The following ETNK1 variants were observed in gnomAD, a reference collection of about 807,000 sequenced individuals.
ETNK1 encodes putative protein product of Nbla10396.
ETNK1 carries 8 observed loss-of-function variants against 45.1 expected under a neutral mutation model. The observed-to-expected ratio is 0.18, with a 90% confidence interval of 0.10 to 0.32. ETNK1 has a LOEUF of 0.32. Ranked by LOEUF, ETNK1 falls within the 10% of genes least tolerant of loss-of-function variation. The probability of loss-of-function intolerance (pLI) is 1.00; values close to 1 mark genes in which losing one functional copy is unlikely to be tolerated. For synonymous variants in ETNK1, 152 were observed against 151.9 expected, an observed-to-expected ratio of 1.00 and a Z score of -0.01; for missense variants, 302 against 430.6, an observed-to-expected ratio of 0.70 and a Z score of 2.64.
chr12:22,648,853 T>C (rs907512645), intron 2 of ETNK1, among the ~76,000 whole-genome samples: 2 of 152,054 alleles, frequency 1.3e-5, no homozygotes, highest in African/African-American at 2.4e-5. Context: ...TGAATGAGAG[T>C]TGCTGTTGCT....
chr12:22,637,052 C>G (rs1953664715), intron 1 of ETNK1, among the ~76,000 whole-genome samples: 1 of 152,172 alleles, frequency 6.6e-6, no homozygotes, highest in Non-Finnish European at 1.5e-5. Context: ...TCCTGTCTGT[C>G]TCCCTGTCTT....
chr12:22,686,449 G>A lies in ETNK1; in HGVS notation c.*1495G>A, dbSNP rs753350750. ...TATCCTCTGAGAAATCTTCTGAGGA[G>A]TCTAATGTATTCCAAATGACTTAAT... is the stretch of plus-strand genomic sequence containing the variant. On this transcript the variant is annotated 3_prime_UTR_variant, in exon 8 of 8. Transcript: ENST00000266517. 6.6e-5 allele frequency: 10 copies of A among 152,282 alleles called. No individual in the cohort carries two copies. The highest frequency in any genetic ancestry group is 2.9e-5 in the Non-Finnish European group (2 of 67,818). 9.4% of individuals were successfully genotyped at this position (152,282 alleles called of 1,614,324 possible).
rs1353145942 is a variant in ETNK1 at position 22,688,116 on chromosome 12, A to G, written c.*3162A>G. ...AAGGAAATTAAAAATGTAATTTAAT[A>G]ATTTCCTATTTTTAGGGTTGTTAAT... On this transcript the variant is annotated 3_prime_UTR_variant, in exon 8 of 8. Coordinates refer to ENST00000266517, the MANE Select transcript of ETNK1 (RefSeq NM_018638.5). 1.3e-5 allele frequency: 2 copies of G among 151,898 alleles called. No homozygotes were observed. Among genetic ancestry groups the G allele is most frequent in the Non-Finnish European group, 3.0e-5 (2 of 67,766 alleles). 9.4% of individuals were successfully genotyped at this position (151,898 alleles called of 1,614,324 possible). A position where few individuals can be genotyped will look rare whatever the true frequency, so the allele number is the denominator to read the frequency against.
chr12:22,625,675 C>T, intron 1 of ETNK1, 89 bp downstream of exon 1: 2 of 1,494,126 alleles, frequency 1.3e-6, no homozygotes, highest in Non-Finnish European at 1.8e-6. Flanking sequence ...CCACGATGAC[C>T]GAGGAGGACC....
chr12:22,682,302 A>T lies in ETNK1; in HGVS notation c.946-2181A>T, dbSNP rs780089881. On this transcript the variant is annotated intron_variant, in intron 6 of 7. Coordinates refer to ENST00000266517, the MANE Select transcript of ETNK1 (RefSeq NM_018638.5). ...TTAGGGTGAAAACTTGAATTTTATCATTGGCAACAAATATTGTCAGTTATT... is the reference window on the plus strand; with the variant it reads ...TTAGGGTGAAAACTTGAATTTTATCTTTGGCAACAAATATTGTCAGTTATT... 1.4e-4 allele frequency: 67 copies of T among 494,926 alleles called. 1 individual carries two copies. Among genetic ancestry groups the T allele is most frequent in the South Asian group, 1.0e-3 (67 of 66,342 alleles). The allele number at this position is 494,926 out of a possible 1,614,324, so 30.7% of individuals were successfully genotyped here.
At chr12:22,652,791 C>G (rs1048357706) in intron 2 of ETNK1, among the ~76,000 whole-genome samples, 9 of 152,054 alleles carry the variant, frequency 5.9e-5, no homozygotes, top group African/African-American at 2.2e-4. Context: ...CTGCAGGTTT[C>G]TTTTTCAGTC....
Position 22,659,015 on chromosome 12 carries a change from C to A in ETNK1, c.418C>A (p.Leu140Ile). ...TTTATGCGGTTTTGTTTTAAACAGGCTAATAGCTCGTCAGCTTGCTAAAAT... is the reference window on the plus strand; with the variant it reads ...TTTATGCGGTTTTGTTTTAAACAGGATAATAGCTCGTCAGCTTGCTAAAAT... ...KHVCNPAIFR[L>I]IARQLAKIHA... Residue 140 changes from leucine to isoleucine, a missense_variant and splice_region_variant, in exon 3 of 8, where the codon CTA becomes ATA. Physicochemically the swap from Leu to Ile is conservative, Grantham distance 5. This residue lies in a region of ETNK1 where 205 missense variants were observed against 259.9 expected (regional missense o/e 0.79). Transcript: ENST00000266517. 1.2e-6 allele frequency: 2 copies of A among 1,612,760 alleles called. No homozygotes were observed. The highest frequency in any genetic ancestry group is 1.1e-5 in the South Asian group (1 of 90,670).
chr12:22,654,188 A>G (rs917320607), intron 2 of ETNK1, among the ~76,000 whole-genome samples: 20 of 152,232 alleles, frequency 1.3e-4, no homozygotes, highest in African/African-American at 4.8e-4. Flanking sequence ...TAACTATGAG[A>G]AAGAAATTTA....
In ETNK1 at chr12:22,659,001, T is replaced by G. The variant is rs747361577; in HGVS notation, c.417-13T>G. ...CTTAAGTTTTTCTTTTTATGCGGTT[T>G]TGTTTTAAACAGGCTAATAGCTCGT... On this transcript the variant is annotated splice_polypyrimidine_tract_variant and intron_variant, in intron 2 of 7. Transcript: ENST00000266517. 1 of 1,601,934 alleles carries G rather than the reference T, an allele frequency of 6.2e-7. No homozygotes were observed. The highest frequency in any genetic ancestry group is 1.3e-5 in the African/African-American group (1 of 74,320).
chr12:22,625,824 G>C (rs1407600057), intron 1 of ETNK1: 1 of 715,692 alleles, frequency 1.4e-6, no homozygotes, highest in Non-Finnish European at 2.5e-6. Context: ...AAGCCGCTGC[G>C]TAAGTGACGG....
At chr12:22,666,649 G>T (rs1006895133) in intron 4 of ETNK1, among the ~76,000 whole-genome samples, 5 of 152,084 alleles carry the variant, frequency 3.3e-5, no homozygotes, top group African/African-American at 1.2e-4. Flanking sequence ...TTAAATTTCA[G>T]TAATGGCAAT....
At chr12:22,669,244 G>A (rs1392174315) in intron 4 of ETNK1, among the ~76,000 whole-genome samples, 1 of 151,876 alleles carries the variant, frequency 6.6e-6, no homozygotes, top group Non-Finnish European at 1.5e-5. Flanking sequence ...TGATAGTTTT[G>A]TATAGGGAAT....
At position 22,689,593 on chromosome 12, in the gene ETNK1, G is replaced by GA. The variant is rs1358883489; in HGVS notation, c.*4646dup. 6.6e-6 allele frequency: 1 copy of GA among 151,844 alleles called. No homozygotes were observed. The highest frequency in any genetic ancestry group is 1.5e-5 in the Non-Finnish European group (1 of 67,830). The allele number at this position is 151,844 out of a possible 1,614,324, so 9.4% of individuals were successfully genotyped here. On this transcript the variant is annotated 3_prime_UTR_variant, in exon 8 of 8. Transcript: ENST00000266517. ...TTTAAAACTAATTAGTGAAGAGTAA[G>GA]AAAAAAACTAGCCAACAGAATTGTA...
At chr12:22,637,553 A>G (rs1441850639) in intron 1 of ETNK1, among the ~76,000 whole-genome samples, 4 of 152,142 alleles carry the variant, frequency 2.6e-5, no homozygotes, top group East Asian at 3.9e-4. Flanking sequence ...GTGCCTTTGT[A>G]TGTGTTGGGG....
intron 2 of ETNK1, chr12:22,656,721 A>T (rs1358724053): frequency 1.0e-6 from 1 of 983,620 alleles, no homozygotes; most frequent in Non-Finnish European, 1.2e-6. Context: ...GAGACCCCAA[A>T]TCAGGGTCTC....
intron 7 of ETNK1, 51 bp downstream of exon 7, chr12:22,684,607 T>G (rs1404989307): frequency 8.2e-7 from 1 of 1,223,394 alleles, no homozygotes; most frequent in Non-Finnish European, 1.2e-6. Context: ...TTTGTTTGGA[T>G]TAACATTAAG....
chr12:22,640,278 T>C (rs907643982), intron 1 of ETNK1, among the ~76,000 whole-genome samples: 24 of 152,248 alleles, frequency 1.6e-4, no homozygotes, highest in African/African-American at 5.5e-4. Context: ...CTTAGTAGTA[T>C]ACATTTTAGG....
intron 6 of ETNK1, among the ~76,000 whole-genome samples, chr12:22,682,974 C>T (rs1201431873): frequency 6.6e-6 from 1 of 152,068 alleles, no homozygotes; most frequent in Non-Finnish European, 1.5e-5. Context: ...GATAGAAGAC[C>T]ATTTTTGAAA....
intron 1 of ETNK1, among the ~76,000 whole-genome samples, chr12:22,642,059 A>G (rs1953747250): frequency 6.6e-6 from 1 of 152,164 alleles, no homozygotes; most frequent in African/African-American, 2.4e-5. Context: ...GAAGACATTA[A>G]TGTTGGTAGC....
Sources: gnomAD v4.1 joint callset for allele counts (sites outside exome capture counted in the v4.1 genomes callset) on GRCh38, gnomAD v4.1.1 for gene constraint, gnomAD v4.1.1 regional missense constraint, MANE v1.5 for transcripts, NCBI Gene and HGNC (gene_info 2026-07-23, HGNC 2026-07-21) for gene names.